Variants in NLGN1 observed in about 807,000 individuals in gnomAD.
NLGN1 encodes neuroligin 1.
NLGN1 carries 12 observed loss-of-function variants against 65.5 expected under a neutral mutation model. That is an observed-to-expected ratio of 0.18 (90% CI 0.12 to 0.30). NLGN1 has a LOEUF of 0.30. NLGN1 is among the 10% of genes least tolerant of loss of function. The pLI, the probability that NLGN1 is intolerant of heterozygous loss-of-function variation, is 1.00. For synonymous variants in NLGN1, 350 were observed against 359.5 expected, an observed-to-expected ratio of 0.97 and a Z score of 0.30; for missense variants, 750 against 1,007.1, an observed-to-expected ratio of 0.74 and a Z score of 3.46.
At position 173,854,566 on chromosome 3, in the gene NLGN1, T is replaced by TA. The variant is rs869116710; in HGVS notation, c.646+46742dup. Among the ~76,000 whole-genome samples the TA allele has an allele frequency of 1.1e-4, 17 of 151,972 alleles. No homozygotes were observed. The East Asian group carries it at 1.5e-3, about 14-fold the overall frequency. On this transcript the variant is annotated intron_variant, in intron 4 of 6. Coordinates refer to ENST00000457714, the Ensembl canonical transcript of NLGN1. ...AATGAATAGCCTATTTAACTTTTTT[T>TA]AAAAAAAATCAATGTTTGCGTTGAT... is the stretch of plus-strand genomic sequence containing the variant.
chr3:174,208,631 G>C (rs1453419710), intron 4 of NLGN1, among the ~76,000 whole-genome samples: 1 of 147,972 alleles, frequency 6.8e-6, no homozygotes, highest in East Asian at 2.0e-4. Flanking sequence ...CCTTCAAAGA[G>C]GTACAACTAT....
intron 2 of NLGN1, among the ~76,000 whole-genome samples, chr3:173,496,393 A>G (rs1299465101): frequency 1.3e-5 from 2 of 151,948 alleles, no homozygotes; most frequent in Non-Finnish European, 2.9e-5. Context: ...AATTTCATGT[A>G]AACATACAAA....
chr3:173,791,921 G>A (rs932815850), intron 3 of NLGN1, among the ~76,000 whole-genome samples: 4 of 152,040 alleles, frequency 2.6e-5, no homozygotes, highest in South Asian at 2.1e-4. Flanking sequence ...TAGCTCTAGC[G>A]TCCTATGAAT....
intron 2 of NLGN1, among the ~76,000 whole-genome samples, chr3:173,530,662 GTTAT>G (rs1050362871): frequency 1.3e-5 from 2 of 152,086 alleles, no homozygotes; most frequent in Non-Finnish European, 2.9e-5. Context: ...TTATTGAGTT[GTTAT>G]TTAAAGTGTT....
intron 4 of NLGN1, among the ~76,000 whole-genome samples, chr3:174,101,013 C>G (rs913676792): frequency 5.9e-5 from 9 of 152,070 alleles, no homozygotes; most frequent in Non-Finnish European, 1.3e-4. Flanking sequence ...TGGAGTCAGC[C>G]AGGCCTATTT....
chr3:174,217,121 C>T (rs1036718068), intron 4 of NLGN1, among the ~76,000 whole-genome samples: 19 of 151,964 alleles, frequency 1.3e-4, no homozygotes, highest in Admixed American at 1.0e-3. Flanking sequence ...TTCCGTTTTC[C>T]GGTTCTGGTA....
At chr3:173,802,439 C>G (rs956120051) in intron 3 of NLGN1, among the ~76,000 whole-genome samples, 8 of 152,212 alleles carry the variant, frequency 5.3e-5, no homozygotes, top group African/African-American at 1.9e-4. Flanking sequence ...AGTTCGGTCT[C>G]TTCCTCTGTG....
At chr3:173,614,029 T>TAAA (rs5854520) in intron 3 of NLGN1, among the ~76,000 whole-genome samples, 4 of 137,546 alleles carry the variant, frequency 2.9e-5, no homozygotes, top group African/African-American at 1.1e-4. Flanking sequence ...TTATTCCACT[T>TAAA]AAAAAAAAAA....
the NLGN1 span, among the ~76,000 whole-genome samples, chr3:174,292,654 G>A: frequency 2.0e-5 from 3 of 151,452 alleles, no homozygotes; most frequent in African/African-American, 7.3e-5. Flanking sequence ...CCAAATGGTA[G>A]ATGAGAATTT....
chr3:174,277,458 AGTTAAT>A (rs1750796670), intron 5 of NLGN1, among the ~76,000 whole-genome samples: 1 of 151,970 alleles, frequency 6.6e-6, no homozygotes, highest in African/African-American at 2.4e-5. Flanking sequence ...CGGTATATTT[AGTTAAT>A]GTTGAGTCCC....
chr3:173,986,423 C>T (rs757797493), intron 4 of NLGN1, among the ~76,000 whole-genome samples: 13 of 151,780 alleles, frequency 8.6e-5, no homozygotes, highest in Admixed American at 2.0e-4. Flanking sequence ...GAGCCGAGAT[C>T]GGGCCACTGC....
chr3:173,666,880 CA>C (rs772027833), intron 3 of NLGN1, among the ~76,000 whole-genome samples: 5 of 152,018 alleles, frequency 3.3e-5, no homozygotes, highest in Admixed American at 6.6e-5. Context: ...CACAGATCAA[CA>C]AACAGAACAC....
intron 4 of NLGN1, among the ~76,000 whole-genome samples, chr3:174,241,949 G>C (rs541266423): frequency 6.5e-4 from 99 of 152,156 alleles, no homozygotes; most frequent in Middle Eastern, 3.4e-3. Flanking sequence ...TGAGCCACCG[G>C]GCCCGGCCCC....
At chr3:173,609,388 A>C (rs1472379625) in intron 3 of NLGN1, among the ~76,000 whole-genome samples, 2 of 151,952 alleles carry the variant, frequency 1.3e-5, no homozygotes, top group Non-Finnish European at 2.9e-5. Flanking sequence ...CGTGATTTTC[A>C]AAAGTGTTTT....
intron 3 of NLGN1, among the ~76,000 whole-genome samples, chr3:173,739,864 A>T (rs1560273026): frequency 6.6e-6 from 1 of 152,134 alleles, no homozygotes; most frequent in Non-Finnish European, 1.5e-5. Context: ...GCCCATGGAA[A>T]TTCCTAATTT....
intron 3 of NLGN1, among the ~76,000 whole-genome samples, chr3:173,798,712 A>C (rs1714722412): frequency 6.6e-6 from 1 of 152,018 alleles, no homozygotes; most frequent in Non-Finnish European, 1.5e-5. Flanking sequence ...TATTGTTTAT[A>C]GTTTCCCTGT....
chr3:174,016,945 AC>A (rs746107217), intron 4 of NLGN1, among the ~76,000 whole-genome samples: 5 of 152,068 alleles, frequency 3.3e-5, no homozygotes, highest in South Asian at 2.1e-4. Context: ...ATGAAAGAGA[AC>A]AGAGCCAGAA....
intron 1 of NLGN1, among the ~76,000 whole-genome samples, chr3:173,428,115 T>G: frequency 6.6e-6 from 1 of 152,074 alleles, no homozygotes; most frequent in East Asian, 1.9e-4. Context: ...TTATCTGATA[T>G]AAGTTTAGCT....
At chr3:173,423,898 C>T (rs566643746) in intron 1 of NLGN1, among the ~76,000 whole-genome samples, 1 of 152,326 alleles carries the variant, frequency 6.6e-6, no homozygotes, top group African/African-American at 2.4e-5. Context: ...CCCTTCCGCA[C>T]TTCCGTAGCA....
Sources: allele counts gnomAD v4.1 joint callset (sites outside exome capture counted in the v4.1 genomes callset), GRCh38; gene constraint gnomAD v4.1.1; transcripts MANE v1.5; gene names NCBI Gene and HGNC (gene_info 2026-07-23, HGNC 2026-07-21).